The following DGAT1 variants were observed in gnomAD, a reference collection of about 807,000 sequenced individuals.
The protein encoded by DGAT1 is ACAT related gene product 1.
DGAT1 carries 60 observed loss-of-function variants against 72.6 expected under a neutral mutation model. The observed-to-expected ratio is 0.83, with a 90% CI of 0.67 to 1.02. The LOEUF (loss-of-function observed/expected upper bound fraction) is 1.02, where lower values mean the gene tolerates loss of function less well. Ranked by LOEUF, DGAT1 falls within the 50% of genes least tolerant of loss-of-function variation. The pLI, the probability that DGAT1 is intolerant of heterozygous loss-of-function variation, is 0.00. For synonymous variants in DGAT1, 290 were observed against 267.5 expected, an observed-to-expected ratio of 1.08 and a Z score of -0.82; for missense variants, 592 against 670.0, an observed-to-expected ratio of 0.88 and a Z score of 1.29.
chr8:144,320,549 C>T (rs994996115), intron 2 of DGAT1, among the ~76,000 whole-genome samples: 4 of 152,168 alleles, frequency 2.6e-5, no homozygotes, highest in Non-Finnish European at 5.9e-5. Flanking sequence ...GGTCAAAGGC[C>T]TCGAGCCACA....
At chr8:144,322,043 G>C (rs1817474806) in intron 1 of DGAT1, among the ~76,000 whole-genome samples, 2 of 152,198 alleles carry the variant, frequency 1.3e-5, no homozygotes, top group South Asian at 4.1e-4. Flanking sequence ...GGCTGAGGGG[G>C]CTGAAAGGAA....
rs1262760567 is a variant in DGAT1 at position 144,316,142 on chromosome 8, T to C, written c.*412A>G. 4 of 205,160 alleles carry C rather than the reference T, an allele frequency of 1.9e-5. No homozygotes were observed. Among genetic ancestry groups the C allele is most frequent in the African/African-American group, 9.4e-5 (4 of 42,718 alleles). The allele number at this position is 205,160 out of a possible 1,614,324, so 12.7% of individuals were successfully genotyped here. A position where few individuals can be genotyped will look rare whatever the true frequency, so the allele number is the denominator to read the frequency against. ...TGGGGGCGTCTGCCTGGCCTTGCAC[T>C]CCCCCTACCGGCCATGCCCGCCCTG... is the stretch of plus-strand genomic sequence containing the variant. On this transcript the variant is annotated 3_prime_UTR_variant, in exon 17 of 17. Transcript: ENST00000528718.
Position 144,326,751 on chromosome 8 carries a change from C to T in DGAT1, c.-115G>A. ...AACGGCCGCCACTGCCCCCTGCCGG[C>T]CGCCGTAGCCCGGGTGACCGCCTCA... On this transcript the variant is annotated 5_prime_UTR_variant, in exon 1 of 17. Transcript: ENST00000528718. 1 of 893,056 alleles carries T rather than the reference C, an allele frequency of 1.1e-6. No homozygotes were observed. The highest frequency in any genetic ancestry group is 4.8e-5 in the South Asian group (1 of 20,656). The allele number at this position is 893,056 out of a possible 1,614,324, so 55.3% of individuals were successfully genotyped here. A position where few individuals can be genotyped will look rare whatever the true frequency, so the allele number is the denominator to read the frequency against.
At chr8:144,316,753 G>A (rs1554847094) in intron 16 of DGAT1, 44 bp from the exon 17 acceptor site, 1 of 1,603,868 alleles carries the variant, frequency 6.2e-7, no homozygotes, top group South Asian at 1.1e-5. Context: ...GTGACCACAG[G>A]GCTGGGGGCT....
In DGAT1 at chr8:144,315,461, C is replaced by T; in HGVS notation, c.*1093G>A. 1 of 985,566 alleles carries T rather than the reference C, an allele frequency of 1.0e-6. No homozygotes were observed. The highest frequency in any genetic ancestry group is 1.1e-4 in the East Asian group (1 of 8,822). 61.1% of individuals were successfully genotyped at this position (985,566 alleles called of 1,614,324 possible). Reference sequence around the variant, plus strand: ...TGTGCAGGGCCTCCTCAAACACCTGCCTTGTTGGGCCATAGCTGCAGGTCT... The same window carrying T: ...TGTGCAGGGCCTCCTCAAACACCTGTCTTGTTGGGCCATAGCTGCAGGTCT... On this transcript the variant is annotated 3_prime_UTR_variant, in exon 17 of 17. Transcript: ENST00000528718.
At chr8:144,318,210 G>C (rs782037833) in intron 7 of DGAT1, 41 bp from the exon 8 acceptor site, 14 of 1,609,532 alleles carry the variant, frequency 8.7e-6, no homozygotes, top group Middle Eastern at 3.3e-4. Flanking sequence ...GTGGGGCCCT[G>C]CTGCTGCCCA....
In DGAT1 at chr8:144,315,291, GCAGGGCCCAAGGAGATGCCTCCATCT is replaced by G. The variant is rs1367115983; in HGVS notation, c.*1237_*1262del. 2.0e-6 allele frequency: 2 copies of G among 985,396 alleles called. No individual in the cohort carries two copies. Among genetic ancestry groups the G allele is most frequent in the African/African-American group, 1.7e-5 (1 of 57,238 alleles). The allele number at this position is 985,396 out of a possible 1,614,324, so 61.0% of individuals were successfully genotyped here. On this transcript the variant is annotated 3_prime_UTR_variant, in exon 17 of 17. Coordinates refer to ENST00000528718, the MANE Select transcript of DGAT1 (RefSeq NM_012079.6). ...AGCTCACCCACTACTGCCATCCTCA[GCAGGGCCCAAGGAGATGCCTCCATCT>G]CAGGGCCCACCAGCCCCCACTGGGG...
chr8:144,320,487 G>A (rs1817418277), intron 2 of DGAT1, among the ~76,000 whole-genome samples: 1 of 152,180 alleles, frequency 6.6e-6, no homozygotes, highest in African/African-American at 2.4e-5. Context: ...CCTTCCACGT[G>A]GGTAGCCACA....
intron 1 of DGAT1, among the ~76,000 whole-genome samples, chr8:144,326,220 C>A (rs1817589846): frequency 6.6e-6 from 1 of 152,084 alleles, no homozygotes; most frequent in Non-Finnish European, 1.5e-5. Context: ...CCTGCCGGCT[C>A]CCCTCTGCCT....
At position 144,317,824 on chromosome 8, in the gene DGAT1, T is replaced by TG. The variant is rs781961359; in HGVS notation, c.856-3dup. On this transcript the variant is annotated splice_region_variant and splice_polypyrimidine_tract_variant and intron_variant, in intron 9 of 16. Coordinates refer to ENST00000528718, the MANE Select transcript of DGAT1 (RefSeq NM_012079.6). ...CACCTGGAGCTGGGTGAAGAACAGC[T>TG]GGGGGGGAAACAGAGAGCAGCCAGC... The TG allele has an allele frequency of 4.5e-5, 72 of 1,610,774 alleles. No individual in the cohort carries two copies. Among genetic ancestry groups the TG allele is most frequent in the African/African-American group, 3.1e-4 (23 of 74,860 alleles).
At chr8:144,321,471 G>A (rs1817457268) in intron 1 of DGAT1, 63 bp from the exon 2 acceptor site, 1 of 1,466,112 alleles carries the variant, frequency 6.8e-7, no homozygotes, top group East Asian at 2.3e-5. Flanking sequence ...CACCCCCGCA[G>A]GATCCAGGCC....
At position 144,326,602 on chromosome 8, in the gene DGAT1, G is replaced by A; in HGVS notation, c.35C>T (p.Thr12Ile). Residue 12 changes from threonine (T) to isoleucine (I), a missense_variant, in exon 1 of 17, where the codon ACA becomes ATA. By Grantham distance (89) the Thr-to-Ile change is moderately conservative. Coordinates refer to ENST00000528718, the MANE Select transcript of DGAT1 (RefSeq NM_012079.6). The stretch of plus-strand genomic sequence containing the variant: ...GCCGTGGCTCGAGGGCCGCGACCCT[G>A]TCCTCCGGCGCCGGGAGCTGCCGCG... The part of the protein sequence containing the change: ...GDRGSSRRRR[T>I]GSRPSSHGGG... 8.2e-7 allele frequency: 1 copy of A among 1,217,640 alleles called. No homozygotes were observed. The highest frequency in any genetic ancestry group is 1.0e-6 in the Non-Finnish European group (1 of 978,734). 75.4% of individuals were successfully genotyped at this position (1,217,640 alleles called of 1,614,324 possible).
In DGAT1 at chr8:144,316,517, T is replaced by C. The variant is rs1817228060; in HGVS notation, c.*37A>G. On this transcript the variant is annotated 3_prime_UTR_variant, in exon 17 of 17. Transcript: ENST00000528718. Reference sequence around the variant, plus strand: ...GAGAGGTGGGCTCTGGCAGCGGGTGTGAGGTGGCAGTGAGAAGCCAGGCCC... The same window carrying C: ...GAGAGGTGGGCTCTGGCAGCGGGTGCGAGGTGGCAGTGAGAAGCCAGGCCC... 8.4e-6 allele frequency: 13 copies of C among 1,548,940 alleles called. No individual in the cohort carries two copies. The highest frequency in any genetic ancestry group is 1.1e-5 in the Non-Finnish European group (13 of 1,144,906).
intron 2 of DGAT1, among the ~76,000 whole-genome samples, chr8:144,320,760 GC>G (rs1414753258): frequency 1.3e-5 from 2 of 152,052 alleles, no homozygotes; most frequent in Non-Finnish European, 2.9e-5. Context: ...TTCCTGGGGG[GC>G]TCCTAGGACC....
intron 1 of DGAT1, among the ~76,000 whole-genome samples, chr8:144,325,281 A>C (rs1457010392): frequency 6.6e-6 from 1 of 151,922 alleles, no homozygotes; most frequent in Non-Finnish European, 1.5e-5. Context: ...GGCCCCTTCA[A>C]GGCCTCCGTG....
intron 1 of DGAT1, 97 bp downstream of exon 1, chr8:144,326,339 AG>A: frequency 8.9e-7 from 1 of 1,121,942 alleles, no homozygotes; most frequent in Non-Finnish European, 1.2e-6. Context: ...CGCTTAGCCC[AG>A]GGCCCATGTT....
intron 9 of DGAT1, 37 bp downstream of exon 9, chr8:144,317,877 C>G: frequency 6.4e-7 from 1 of 1,567,500 alleles, no homozygotes. Flanking sequence ...AGAAGGCCCC[C>G]TAGCCTCCAG....
chr8:144,316,412 A>G lies in DGAT1; in HGVS notation c.*142T>C. 1 of 1,061,076 alleles carries G rather than the reference A, an allele frequency of 9.4e-7. No homozygotes were observed. Among genetic ancestry groups the G allele is most frequent in the Non-Finnish European group, 1.3e-6 (1 of 754,228 alleles). The allele number at this position is 1,061,076 out of a possible 1,614,324, so 65.7% of individuals were successfully genotyped here. ...CCTGAGGGGTGCAGGACAGAGCCCC[A>G]TAGGGGCAGAGAGGCCTCCCTGGGA... is the stretch of plus-strand genomic sequence containing the variant. On this transcript the variant is annotated 3_prime_UTR_variant, in exon 17 of 17. Transcript: ENST00000528718.
chr8:144,318,700 A>G lies in DGAT1; in HGVS notation c.467T>C (p.Val156Ala). Residue 156 changes from valine to alanine, a missense_variant and splice_region_variant, in exon 5 of 17, where the codon GTG becomes GCG. Val to Ala is a moderately conservative substitution (Grantham distance 64, BLOSUM62 0). Coordinates refer to ENST00000528718, the MANE Select transcript of DGAT1 (RefSeq NM_012079.6). Reference sequence around the variant, plus strand: ...ACGGAGGTGAGGGGCACTGCTTACCACCGCCAGGCGCTTCTCAACCTGGAA... The same window carrying G: ...ACGGAGGTGAGGGGCACTGCTTACCGCCGCCAGGCGCTTCTCAACCTGGAA... ...AAFQVEKRLA[V>A]GALTEQAGLL... 6.2e-7 allele frequency: 1 copy of G among 1,608,632 alleles called. No individual in the cohort carries two copies. The highest frequency in any genetic ancestry group is 8.5e-7 in the Non-Finnish European group (1 of 1,178,072).
Sources: allele counts gnomAD v4.1 joint callset (sites outside exome capture counted in the v4.1 genomes callset), GRCh38; gene constraint gnomAD v4.1.1; transcripts MANE v1.5; gene names NCBI Gene and HGNC (gene_info 2026-07-23, HGNC 2026-07-21).